TTBK2: variants seen among roughly 807,000 people sequenced by gnomAD.
TTBK2 encodes tau tubulin kinase 2, also known as tau-tubulin kinase 2.
In TTBK2, 28 loss-of-function variants were observed where a neutral mutation model predicts 110.8. The observed-to-expected ratio is 0.25, with a 90% CI of 0.19 to 0.35. The LOEUF (loss-of-function observed/expected upper bound fraction) is 0.35, where lower values mean the gene tolerates loss of function less well. Ranked by LOEUF, TTBK2 falls within the 10% of genes least tolerant of loss-of-function variation. TTBK2 has a pLI of 1.00. For synonymous variants in TTBK2, 532 were observed against 527.3 expected, an observed-to-expected ratio of 1.01 and a Z score of -0.12; for missense variants, 1,369 against 1,500.3, an observed-to-expected ratio of 0.91 and a Z score of 1.45.
At chr15:42,768,887 A>G (rs574966297) in intron 13 of TTBK2, among the ~76,000 whole-genome samples, 1 of 152,376 alleles carries the variant, frequency 6.6e-6, no homozygotes, top group East Asian at 1.9e-4. Flanking sequence ...TAACCAAAAC[A>G]GCATGGTACT....
intron 11 of TTBK2, among the ~76,000 whole-genome samples, chr15:42,779,966 G>A (rs1205543975): frequency 1.3e-5 from 2 of 151,638 alleles, no homozygotes; most frequent in South Asian, 2.1e-4. Flanking sequence ...GTGACAGAGC[G>A]AGACTCTGTC....
intron 4 of TTBK2, among the ~76,000 whole-genome samples, chr15:42,832,154 A>T (rs1397902998): frequency 1.3e-5 from 2 of 152,202 alleles, no homozygotes; most frequent in Non-Finnish European, 2.9e-5. Flanking sequence ...AATAAGTGAC[A>T]GTCTACAGCA....
At chr15:42,778,384 G>A (rs1252725002) in intron 11 of TTBK2, among the ~76,000 whole-genome samples, 1 of 151,814 alleles carries the variant, frequency 6.6e-6, no homozygotes, top group Non-Finnish European at 1.5e-5. Context: ...CAGCAAGATA[G>A]GCCGGGCGTG....
intron 3 of TTBK2, among the ~76,000 whole-genome samples, chr15:42,867,186 G>C (rs976917797): frequency 1.2e-4 from 18 of 151,166 alleles, no homozygotes; most frequent in Non-Finnish European, 2.2e-4. Flanking sequence ...GGAGCTTGCA[G>C]TGAGCCGAGA....
chr15:42,910,104 C>A (rs1231107000), intron 1 of TTBK2, among the ~76,000 whole-genome samples: 1 of 152,110 alleles, frequency 6.6e-6, no homozygotes, highest in Non-Finnish European at 1.5e-5. Flanking sequence ...CCTTAAACTG[C>A]ACATGTATGT....
At chr15:42,823,971 T>G (rs1326142444) in intron 6 of TTBK2, among the ~76,000 whole-genome samples, 1 of 152,182 alleles carries the variant, frequency 6.6e-6, no homozygotes, top group East Asian at 1.9e-4. Context: ...GGCTTCAGGC[T>G]GCTTCCATTC....
chr15:42,907,919 A>T (rs76206222), intron 1 of TTBK2, among the ~76,000 whole-genome samples: 21,919 of 147,442 alleles, frequency 0.15, 1,719 homozygotes, highest in South Asian at 0.22. Context: ...AAAAAAAAAA[A>T]AATAATAATA....
intron 3 of TTBK2, among the ~76,000 whole-genome samples, chr15:42,867,764 G>A (rs1894434980): frequency 6.6e-6 from 1 of 152,216 alleles, no homozygotes; most frequent in African/African-American, 2.4e-5. Context: ...CACTTTGGAA[G>A]AAAATTTGGC....
At position 42,801,925 on chromosome 15, in the gene TTBK2, G is replaced by A. The variant is rs762151258; in HGVS notation, c.823-7124C>T. 45 of 1,581,450 alleles carry A rather than the reference G, an allele frequency of 2.8e-5. 1 individual carries two copies. Among genetic ancestry groups the A allele is most frequent in the South Asian group, 2.0e-4 (18 of 90,732 alleles). On this transcript the variant is annotated intron_variant, in intron 9 of 14. Coordinates refer to ENST00000267890, the MANE Select transcript of TTBK2 (RefSeq NM_173500.4). Reference sequence around the variant, plus strand: ...CAGCCCATGCATGTTGCCAAGCTCCGCCTCCAGCTTCAGCTTCTCCTGGCC... The same window carrying A: ...CAGCCCATGCATGTTGCCAAGCTCCACCTCCAGCTTCAGCTTCTCCTGGCC...
chr15:42,785,924 T>C (rs1349166878), intron 10 of TTBK2, among the ~76,000 whole-genome samples: 2 of 152,132 alleles, frequency 1.3e-5, no homozygotes, highest in African/African-American at 4.8e-5. Context: ...GGGTCACAGT[T>C]AGATCCTGGC....
At position 42,783,624 on chromosome 15, in the gene TTBK2, G is replaced by C. The variant is rs1267473318; in HGVS notation, c.992C>G (p.Ala331Gly). The change falls in exon 11 of 15, where the codon GCT becomes GGT. Residue 331 changes from alanine to glycine, a missense_variant. Around this residue, in one of 4 missense-constraint regions of TTBK2, gnomAD observed 1,097 missense variants for 1,114.7 expected, o/e 0.98. Transcript: ENST00000267890. ...LTPAAIGIAN[A>G]TPIPGDLLRE... ...AAGCAAGTCTCCAGGGATGGGAGTA[G>C]CATTGGCAATTCTACATATGAAGGG... 6 of 1,613,248 alleles carry C rather than the reference G, an allele frequency of 3.7e-6. No individual in the cohort carries two copies. The highest frequency in any genetic ancestry group is 5.1e-6 in the Non-Finnish European group (6 of 1,179,816).
intron 9 of TTBK2, among the ~76,000 whole-genome samples, chr15:42,800,763 A>G (rs1397250246): frequency 4.7e-5 from 7 of 148,176 alleles, no homozygotes; most frequent in African/African-American, 1.7e-4. Flanking sequence ...TATTTTGGGA[A>G]AAAAAAAAAA....
chr15:42,880,892 T>C (rs1313552012), intron 1 of TTBK2, among the ~76,000 whole-genome samples: 1 of 151,918 alleles, frequency 6.6e-6, no homozygotes, highest in Non-Finnish European at 1.5e-5. Flanking sequence ...CTGCAATCTG[T>C]TCCCCAAAAA....
chr15:42,861,524 TA>T (rs923131046), intron 3 of TTBK2, among the ~76,000 whole-genome samples: 26 of 151,782 alleles, frequency 1.7e-4, no homozygotes, highest in African/African-American at 5.6e-4. Flanking sequence ...AAGGCAGAAA[TA>T]AAAAAATCAT....
chr15:42,747,845 TG>T, intron 14 of TTBK2, among the ~76,000 whole-genome samples: 1 of 152,288 alleles, frequency 6.6e-6, no homozygotes, highest in South Asian at 2.1e-4. Flanking sequence ...AAGATCCCCA[TG>T]TTTCTATGGG....
chr15:42,917,924 T>TA lies in TTBK2; in HGVS notation c.-68+2513dup, dbSNP rs2031169747. On this transcript the variant is annotated intron_variant, in intron 1 of 14. Coordinates refer to ENST00000267890, the MANE Select transcript of TTBK2 (RefSeq NM_173500.4). ...TATATATTTGTAAAAGAATATTTCC[T>TA]ATAGGATTTTTTTTTAAGTGTGGAA... Among the ~76,000 whole-genome samples, 15 of 152,270 alleles carry TA rather than the reference T, an allele frequency of 9.9e-5. No individual in the cohort carries two copies. The South Asian group carries it at 2.9e-3, about 29-fold the overall frequency.
rs1450460695 is a variant in TTBK2 at position 42,741,237 on chromosome 15, G to A, written c.*4558C>T. ...CCACTGGGTGAGGACAGGGAAGTAGGATGTCCCAACACCCTCTGAGGGTTT... is the reference window on the plus strand; with the variant it reads ...CCACTGGGTGAGGACAGGGAAGTAGAATGTCCCAACACCCTCTGAGGGTTT... On this transcript the variant is annotated 3_prime_UTR_variant, in exon 15 of 15. Coordinates refer to ENST00000267890, the MANE Select transcript of TTBK2 (RefSeq NM_173500.4). 2 of 152,126 alleles carry A rather than the reference G, an allele frequency of 1.3e-5. No homozygotes were observed. Among genetic ancestry groups the A allele is most frequent in the Non-Finnish European group, 2.9e-5 (2 of 68,036 alleles). The allele number at this position is 152,126 out of a possible 1,614,324, so 9.4% of individuals were successfully genotyped here.
intron 6 of TTBK2, among the ~76,000 whole-genome samples, chr15:42,821,799 C>A (rs1030865193): frequency 1.3e-5 from 2 of 151,818 alleles, no homozygotes; most frequent in South Asian, 2.1e-4. Flanking sequence ...ACCCCATTCT[C>A]CTGCCTCAGC....
chr15:42,752,855 C>G lies in TTBK2; in HGVS notation c.2391G>C (p.Gln797His). 1.9e-6 allele frequency: 3 copies of G among 1,614,188 alleles called. No individual in the cohort carries two copies. Among genetic ancestry groups the G allele is most frequent in the South Asian group, 1.1e-5 (1 of 91,090 alleles). Residue 797 changes from glutamine to histidine, a missense_variant, in exon 14 of 15, where the codon CAG becomes CAC. By Grantham distance (24) the Gln-to-His change is conservative (BLOSUM62 0). Around this residue, in one of 4 missense-constraint regions of TTBK2, gnomAD observed 1,097 missense variants for 1,114.7 expected, o/e 0.98. Coordinates refer to ENST00000267890, the MANE Select transcript of TTBK2 (RefSeq NM_173500.4). ...DNEDEKLSRG[Q>H]HCIEISSLPG... Reference sequence around the variant, plus strand: ...GGAGAGAGGAGATCTCAATACAATGCTGCCCTCTACTTAACTTCTCATCTT... The same window carrying G: ...GGAGAGAGGAGATCTCAATACAATGGTGCCCTCTACTTAACTTCTCATCTT...
Sources: gnomAD v4.1 joint callset for allele counts (sites outside exome capture counted in the v4.1 genomes callset) on GRCh38, gnomAD v4.1.1 for gene constraint, gnomAD v4.1.1 regional missense constraint, MANE v1.5 for transcripts, NCBI Gene and HGNC (gene_info 2026-07-23, HGNC 2026-07-21) for gene names.